SLC9A8: variants seen among roughly 807,000 people sequenced by gnomAD.
The protein encoded by SLC9A8 is solute carrier family 9 member A8.
A neutral mutation model predicts 66.6 loss-of-function variants in SLC9A8; 48 were observed. That is an observed-to-expected ratio of 0.72 (90% CI 0.57 to 0.92). The LOEUF is 0.92. Among genes scored for constraint, SLC9A8 ranks in the 40% least tolerant of loss-of-function variants. The pLI, the probability that SLC9A8 is intolerant of heterozygous loss-of-function variation, is 0.00. For missense variants in SLC9A8, 599 were observed against 747.3 expected (o/e 0.80, Z 2.31); for synonymous variants, 274 against 282.6 (o/e 0.97, Z 0.31).
chr20:49,837,686 C>T (rs905941670), intron 3 of SLC9A8, among the ~76,000 whole-genome samples: 1 of 152,148 alleles, frequency 6.6e-6, no homozygotes, highest in African/African-American at 2.4e-5. Context: ...TCTCCTGCCT[C>T]AGCCTCCTGA....
At chr20:49,813,919 C>G (rs946744623) in intron 1 of SLC9A8, among the ~76,000 whole-genome samples, 3 of 152,120 alleles carry the variant, frequency 2.0e-5, no homozygotes, top group Admixed American at 1.3e-4. Context: ...TACTTTTGGG[C>G]AAGTCCAAAA....
intron 8 of SLC9A8, among the ~76,000 whole-genome samples, chr20:49,860,019 G>A (rs1327012990): frequency 6.6e-6 from 1 of 151,970 alleles, no homozygotes; most frequent in Non-Finnish European, 1.5e-5. Context: ...ACTCTCTTTG[G>A]GCCTCAGGCT....
chr20:49,871,260 T>G (rs2089196434), intron 10 of SLC9A8, among the ~76,000 whole-genome samples: 2 of 152,150 alleles, frequency 1.3e-5, no homozygotes, highest in Non-Finnish European at 2.9e-5. Flanking sequence ...CACGGTACAG[T>G]GTAAATTGTA....
Position 49,884,299 on chromosome 20 carries a change from C to CG in SLC9A8, c.1491+233_1491+234insG, listed in dbSNP as rs1373146121. ...GACACACACACACACGACACACACA[C>CG]ACACACACACACACACACACACACA... On this transcript the variant is annotated intron_variant, in intron 14 of 15. Transcript: ENST00000361573. The CG allele has an allele frequency of 1.4e-5, 5 of 364,624 alleles. No homozygotes were observed. The East Asian group carries it at 2.8e-4, about 20-fold the overall frequency. 22.6% of individuals were successfully genotyped at this position (364,624 alleles called of 1,614,324 possible). A position where few individuals can be genotyped will look rare whatever the true frequency, so the allele number is the denominator to read the frequency against.
chr20:49,862,265 AT>A (rs984682888), intron 8 of SLC9A8, among the ~76,000 whole-genome samples: 1 of 150,528 alleles, frequency 6.6e-6, no homozygotes, highest in African/African-American at 2.4e-5. Context: ...GGCCTTTTTT[AT>A]TTTTTATTTT....
At chr20:49,876,252 A>G (rs1216081101) in intron 11 of SLC9A8, among the ~76,000 whole-genome samples, 1 of 152,306 alleles carries the variant, frequency 6.6e-6, no homozygotes, top group Non-Finnish European at 1.5e-5. Context: ...TCAGAAAGCC[A>G]GGCTACAGAT....
chr20:49,846,689 G>A (rs2088010214), intron 5 of SLC9A8, among the ~76,000 whole-genome samples: 1 of 152,076 alleles, frequency 6.6e-6, no homozygotes, highest in Non-Finnish European at 1.5e-5. Flanking sequence ...CGAGGTGGGT[G>A]GATCACTTGA....
At chr20:49,815,744 A>G (rs77498910) in intron 2 of SLC9A8, among the ~76,000 whole-genome samples, 3 of 137,804 alleles carry the variant, frequency 2.2e-5, no homozygotes, top group Admixed American at 1.4e-4. Flanking sequence ...GACTGTCTGG[A>G]AAAAAAAAAA....
intron 3 of SLC9A8, chr20:49,829,530 A>C (rs2087082088): frequency 3.5e-6 from 1 of 287,244 alleles, no homozygotes; most frequent in Non-Finnish European, 6.7e-6. Context: ...CTCAAAAAAA[A>C]AAAAGAACCT....
At position 49,886,785 on chromosome 20, in the gene SLC9A8, C is replaced by G; in HGVS notation, c.1525C>G (p.Leu509Val). 1 of 1,614,142 alleles carries G rather than the reference C, an allele frequency of 6.2e-7. No homozygotes were observed. Among genetic ancestry groups the G allele is most frequent in the Non-Finnish European group, 8.5e-7 (1 of 1,180,008 alleles). Reference sequence around the variant, plus strand: ...TGTGGAGTCGGAGCACCTGTCGGAGCTCACGGAGGAGGAGTACGAGGCCCA... The same window carrying G: ...TGTGGAGTCGGAGCACCTGTCGGAGGTCACGGAGGAGGAGTACGAGGCCCA... The part of the protein sequence containing the change: ...NTVESEHLSE[L>V]TEEEYEAHYI... The change falls in exon 15 of 16, where the codon CTC becomes GTC. Residue 509 changes from leucine (L) to valine (V), a missense_variant. This residue lies in a region of SLC9A8 where 467 missense variants were observed against 626.5 expected (regional missense o/e 0.75). Coordinates refer to ENST00000361573, the MANE Select transcript of SLC9A8 (RefSeq NM_015266.3). The surrounding 1 kb of genome is among the most constrained non-coding windows in gnomAD (Gnocchi z 4.8).
chr20:49,820,561 T>C (rs186875094), intron 2 of SLC9A8, among the ~76,000 whole-genome samples: 16 of 151,862 alleles, frequency 1.1e-4, no homozygotes, highest in African/African-American at 3.6e-4. Flanking sequence ...GTTTTGTTTT[T>C]TTTGAGATGG....
chr20:49,847,981 C>G (rs1403229934), intron 5 of SLC9A8, among the ~76,000 whole-genome samples: 1 of 138,810 alleles, frequency 7.2e-6, no homozygotes, highest in East Asian at 2.2e-4. Flanking sequence ...ACGAACTCGG[C>G]TCACTGCGAA....
chr20:49,867,496 GGTT>G (rs2089022655), intron 10 of SLC9A8, among the ~76,000 whole-genome samples: 1 of 152,088 alleles, frequency 6.6e-6, no homozygotes, highest in African/African-American at 2.4e-5. Context: ...TCTTTTTAAT[GGTT>G]CTTTCCCCAG....
chr20:49,845,005 T>G (rs2087923692), intron 4 of SLC9A8, 31 bp from the exon 5 acceptor site: 2 of 1,466,126 alleles, frequency 1.4e-6, no homozygotes, highest in Non-Finnish European at 1.9e-6. Context: ...ACAAATTCCA[T>G]GCCCTTAAGA....
At chr20:49,872,044 G>C (rs1296343437) in intron 10 of SLC9A8, among the ~76,000 whole-genome samples, 1 of 152,112 alleles carries the variant, frequency 6.6e-6, no homozygotes, top group East Asian at 1.9e-4. Context: ...GCTTGAACCT[G>C]GGAGGCGGAG....
At chr20:49,831,427 C>CTCTCTG (rs1238412718) in intron 3 of SLC9A8, among the ~76,000 whole-genome samples, 1 of 145,004 alleles carries the variant, frequency 6.9e-6, no homozygotes, top group Non-Finnish European at 1.5e-5. Context: ...CTCTCTCTCT[C>CTCTCTG]TCTCTGTCTC....
chr20:49,857,725 A>C (rs2088558194), intron 8 of SLC9A8, among the ~76,000 whole-genome samples: 1 of 152,212 alleles, frequency 6.6e-6, no homozygotes, highest in South Asian at 2.1e-4. Flanking sequence ...TTTAAAAAAA[A>C]CAAACAAACA....
chr20:49,839,350 T>C (rs527913127), intron 3 of SLC9A8, among the ~76,000 whole-genome samples, 191 bp from the exon 4 acceptor site: 136 of 152,302 alleles, frequency 8.9e-4, no homozygotes, highest in Non-Finnish European at 1.1e-3. Context: ...TTTAGTGTGT[T>C]TGCCTGAGAT....
rs1458948549 is a variant in SLC9A8 at position 49,864,748 on chromosome 20, C to T, written c.862C>T (p.His288Tyr). 1 of 1,613,198 alleles carries T rather than the reference C, an allele frequency of 6.2e-7. No individual in the cohort carries two copies. The highest frequency in any genetic ancestry group is 8.5e-7 in the Non-Finnish European group (1 of 1,179,218). Residue 288 changes from histidine (H) to tyrosine (Y), a missense_variant, in exon 10 of 16, where the codon CAT becomes TAT. This residue lies in a region of SLC9A8 where 467 missense variants were observed against 626.5 expected (regional missense o/e 0.75). Transcript: ENST00000361573. ...GACAGTTGTCATTTACGTGCTGAAG[C>T]ATATTGACTTGAGGAAAACGCCTTC... ...TGLISALVLK[H>Y]IDLRKTPSLE...
Sources: gnomAD v4.1 joint callset for allele counts (sites outside exome capture counted in the v4.1 genomes callset) on GRCh38, gnomAD v4.1.1 for gene constraint, gnomAD v4.1.1 regional missense constraint, Gnocchi (gnomAD v3.1) non-coding constraint, MANE v1.5 for transcripts, NCBI Gene and HGNC (gene_info 2026-07-23, HGNC 2026-07-21) for gene names.